Variants in EXOC2 observed in about 807,000 individuals in gnomAD.
The protein encoded by EXOC2 is SEC5-like 1.
Under a neutral mutation model 131.8 loss-of-function variants are expected in EXOC2, and 70 were observed. The ratio of observed to expected loss-of-function variants is 0.53; its 90% CI spans 0.44 to 0.65. EXOC2 has a LOEUF of 0.65. EXOC2 is among the 30% of genes least tolerant of loss of function. The pLI, the probability that EXOC2 is intolerant of heterozygous loss-of-function variation, is 0.00. For synonymous variants in EXOC2, 411 were observed against 398.4 expected, an observed-to-expected ratio of 1.03 and a Z score of -0.38; for missense variants, 923 against 1,108.6, an observed-to-expected ratio of 0.83 and a Z score of 2.38.
intron 7 of EXOC2, among the ~76,000 whole-genome samples, chr6:605,073 G>A (rs1760327400): frequency 6.6e-6 from 1 of 151,978 alleles, no homozygotes; most frequent in East Asian, 1.9e-4. Context: ...TATATCCCTA[G>A]GATAAAACAA....
chr6:656,206 G>A, intron 1 of EXOC2: 1 of 1,614,210 alleles, frequency 6.2e-7, no homozygotes, highest in Non-Finnish European at 8.5e-7. Context: ...GCCGTCGTAG[G>A]ATGTATTTGC....
intron 4 of EXOC2, among the ~76,000 whole-genome samples, chr6:628,689 C>G (rs6931018): frequency 0.95 from 144,866 of 152,298 alleles, 68,994 homozygotes; most frequent in East Asian, 1. Context: ...CCACACTTCT[C>G]AGGCAGGTTG....
At chr6:691,527 A>T (rs1764923265) in intron 1 of EXOC2, among the ~76,000 whole-genome samples, 1 of 152,266 alleles carries the variant, frequency 6.6e-6, no homozygotes, top group Non-Finnish European at 1.5e-5. Context: ...TGTGATTTTA[A>T]CATTTTCCTC....
At position 564,099 on chromosome 6, in the gene EXOC2, T is replaced by A; in HGVS notation, c.1723A>T (p.Ile575Phe). ...CGGAGATCCAAGATGAGATCCTGGA[T>A]AGTCTGTAACAGGTCATTAGGAATT... is the stretch of plus-strand genomic sequence containing the variant. ...LEIPNDLLQT[I>F]QDLILDLRVR... The change falls in exon 16 of 28, where the codon ATC becomes TTC. Residue 575 changes from isoleucine (I) to phenylalanine (F), a missense_variant. Physicochemically the swap from Ile to Phe is conservative, Grantham distance 21. Transcript: ENST00000230449. 1 of 1,614,152 alleles carries A rather than the reference T, an allele frequency of 6.2e-7. No individual in the cohort carries two copies. Among genetic ancestry groups the A allele is most frequent in the Non-Finnish European group, 8.5e-7 (1 of 1,180,028 alleles).
At chr6:498,694 A>G (rs978296935) in intron 24 of EXOC2, among the ~76,000 whole-genome samples, 4 of 152,140 alleles carry the variant, frequency 2.6e-5, no homozygotes, top group Admixed American at 2.0e-4. Context: ...CCCTGGTCAT[A>G]TTCGGGTTTC....
At chr6:488,835 A>T in intron 27 of EXOC2, 144 bp downstream of exon 27, 1 of 741,486 alleles carries the variant, frequency 1.3e-6, no homozygotes, top group Non-Finnish European at 2.2e-6. Flanking sequence ...TAACGCTATT[A>T]AGTAGGTATA....
intron 22 of EXOC2, among the ~76,000 whole-genome samples, chr6:533,246 T>A (rs565757610): frequency 2.4e-4 from 37 of 152,166 alleles, no homozygotes; most frequent in Non-Finnish European, 4.9e-4. Context: ...TAACCACTCA[T>A]TTCTGTACAC....
At chr6:582,035 T>C (rs555697294) in intron 11 of EXOC2, among the ~76,000 whole-genome samples, 42 of 152,306 alleles carry the variant, frequency 2.8e-4, no homozygotes, top group African/African-American at 9.4e-4. Flanking sequence ...AATGAAACAA[T>C]CCTAGTCACT....
At chr6:640,420 G>A (rs955212937) in intron 1 of EXOC2, among the ~76,000 whole-genome samples, 1 of 152,096 alleles carries the variant, frequency 6.6e-6, no homozygotes, top group African/African-American at 2.4e-5. Flanking sequence ...AGACAAACAA[G>A]AAAAAAACAC....
Position 562,782 on chromosome 6 carries a change from A to T in EXOC2, c.1851+2T>A. The T allele has an allele frequency of 6.3e-7, 1 of 1,585,072 alleles. No individual in the cohort carries two copies. The highest frequency in any genetic ancestry group is 8.6e-7 in the Non-Finnish European group (1 of 1,166,938). On this transcript the variant is annotated splice_donor_variant, in intron 17 of 27. Transcript: ENST00000230449. LOFTEE classifies it high-confidence loss of function. ...TAATAATTGAAAAGAACTTAAACTT[A>T]CTAGAGAAGTCAGTCCTTCATTGTC...
intron 11 of EXOC2, among the ~76,000 whole-genome samples, chr6:578,038 C>A (rs1178912851): frequency 6.6e-6 from 1 of 152,190 alleles, no homozygotes; most frequent in African/African-American, 2.4e-5. Flanking sequence ...TGCCTATCTC[C>A]ACCAAAGACT....
chr6:573,855 T>C (rs1025425253), intron 12 of EXOC2, among the ~76,000 whole-genome samples: 1 of 152,354 alleles, frequency 6.6e-6, no homozygotes, highest in East Asian at 1.9e-4. Context: ...AAGAAACCAC[T>C]GTCACTAGTT....
rs1368739816 is a variant in EXOC2, at chr6:549,196, C to G, written c.2217G>C (p.Gln739His). Reference protein sequence around the residue: ...IAEHFEKHNFQGIEKITQVSM... With the variant: ...IAEHFEKHNFHGIEKITQVSM... Reference sequence around the variant, plus strand: ...TTACCTGTGTGATTTTTTCTATTCCCTGGAAGTTGTGCTTTTCAAAATGTT... The same window carrying G: ...TTACCTGTGTGATTTTTTCTATTCCGTGGAAGTTGTGCTTTTCAAAATGTT... Residue 739 changes from glutamine (Q) to histidine (H), a missense_variant, in exon 22 of 28, where the codon CAG becomes CAC. Physicochemically the swap from Gln to His is conservative, Grantham distance 24. Transcript: ENST00000230449. 1 of 1,614,038 alleles carries G rather than the reference C, an allele frequency of 6.2e-7. No individual in the cohort carries two copies. Among genetic ancestry groups the G allele is most frequent in the Non-Finnish European group, 8.5e-7 (1 of 1,179,956 alleles).
chr6:610,405 A>G (rs1760655740), intron 6 of EXOC2, among the ~76,000 whole-genome samples: 1 of 152,228 alleles, frequency 6.6e-6, no homozygotes, highest in Admixed American at 6.5e-5. Flanking sequence ...ATCTGTCTTC[A>G]AGAACAAGTG....
At chr6:559,302 T>C (rs1385028178) in intron 17 of EXOC2, among the ~76,000 whole-genome samples, 2 of 152,244 alleles carry the variant, frequency 1.3e-5, no homozygotes, top group African/African-American at 2.4e-5. Context: ...GTGCTTGACC[T>C]TGATGTCCTC....
chr6:580,890 T>C (rs1295661619), intron 11 of EXOC2, among the ~76,000 whole-genome samples: 1 of 152,136 alleles, frequency 6.6e-6, no homozygotes, highest in Non-Finnish European at 1.5e-5. Context: ...CACTGATCAG[T>C]GGTGGTGTCG....
At chr6:510,339 T>C (rs1764768569) in intron 23 of EXOC2, among the ~76,000 whole-genome samples, 1 of 152,192 alleles carries the variant, frequency 6.6e-6, no homozygotes, top group African/African-American at 2.4e-5. Flanking sequence ...CATGAATGGG[T>C]ACCTTCGCCC....
chr6:660,497 A>G (rs1318029329), intron 1 of EXOC2, among the ~76,000 whole-genome samples: 1 of 152,202 alleles, frequency 6.6e-6, no homozygotes, highest in African/African-American at 2.4e-5. Flanking sequence ...GGCAACCCCC[A>G]GTACCAGCAC....
intron 23 of EXOC2, among the ~76,000 whole-genome samples, chr6:505,294 TG>T (rs1199402934): frequency 1.3e-5 from 2 of 152,208 alleles, no homozygotes; most frequent in Admixed American, 6.5e-5. Flanking sequence ...GCACTGGTGT[TG>T]AGAATGGCTC....
Sources: allele counts gnomAD v4.1 joint callset (sites outside exome capture counted in the v4.1 genomes callset), GRCh38; gene constraint gnomAD v4.1.1; transcripts MANE v1.5; gene names NCBI Gene and HGNC (gene_info 2026-07-23, HGNC 2026-07-21).